Variants in DPYD observed in about 807,000 individuals in gnomAD.
DPYD encodes the protein dihydropyrimidine dehydrogenase [NADP(+)].
In DPYD, 109 loss-of-function variants were observed where a neutral mutation model predicts 116.2. The observed-to-expected ratio is 0.94, with a 90% CI of 0.80 to 1.10. The LOEUF (loss-of-function observed/expected upper bound fraction) is 1.10. DPYD is among the 50% of genes least tolerant of loss of function. DPYD has a pLI of 0.00. For missense variants in DPYD, 1,302 were observed against 1,254.5 expected (o/e 1.04, Z -0.57); for synonymous variants, 440 against 432.0 (o/e 1.02, Z -0.23).
intron 19 of DPYD, among the ~76,000 whole-genome samples, chr1:97,234,067 C>T (rs1661749585): frequency 3.3e-5 from 5 of 152,080 alleles, no homozygotes; most frequent in African/African-American, 1.2e-4. Context: ...ACCATCAATG[C>T]TAAGTAGTGA....
At chr1:97,397,228 T>C (rs911088711) in intron 14 of DPYD, among the ~76,000 whole-genome samples, 3 of 152,026 alleles carry the variant, frequency 2.0e-5, no homozygotes, top group East Asian at 3.9e-4. Flanking sequence ...TATATACGCA[T>C]GTATAAAAGA....
intron 2 of DPYD, among the ~76,000 whole-genome samples, chr1:97,870,217 A>T (rs1022359187): frequency 6.6e-6 from 1 of 151,888 alleles, no homozygotes; most frequent in Non-Finnish European, 1.5e-5. Flanking sequence ...GAAAAGAGAA[A>T]ATAAAATATT....
intron 18 of DPYD, among the ~76,000 whole-genome samples, chr1:97,304,809 C>T (rs975144858): frequency 1.3e-5 from 2 of 151,910 alleles, no homozygotes; most frequent in African/African-American, 2.4e-5. Context: ...TCAGCTGATG[C>T]TTAATTCAGT....
At position 97,192,201 on chromosome 1, in the gene DPYD, A is replaced by C. The variant is rs185913809; in HGVS notation, c.2622+868T>G. The stretch of plus-strand genomic sequence containing the variant: ...AAGTCAATTATATGATGTTTCTCTT[A>C]TTCTTTCTGAGTCCCTAACCCAGTC... On this transcript the variant is annotated intron_variant, in intron 20 of 22. Transcript: ENST00000370192. Among the ~76,000 whole-genome samples, 39 of 152,190 alleles carry C rather than the reference A, an allele frequency of 2.6e-4. No homozygotes were observed. The East Asian group carries it at 7.5e-3, about 29-fold the overall frequency.
At chr1:97,645,624 A>G (rs973571720) in intron 8 of DPYD, among the ~76,000 whole-genome samples, 3 of 151,988 alleles carry the variant, frequency 2.0e-5, no homozygotes, top group Non-Finnish European at 2.9e-5. Flanking sequence ...ATGCTATATT[A>G]TTTTAATTCA....
chr1:97,787,069 C>G (rs1044555485), intron 3 of DPYD, among the ~76,000 whole-genome samples: 4 of 152,090 alleles, frequency 2.6e-5, no homozygotes, highest in Non-Finnish European at 4.4e-5. Context: ...CTCCTATTTT[C>G]CATACAATAG....
intron 3 of DPYD, among the ~76,000 whole-genome samples, chr1:97,778,847 C>T (rs1222977460): frequency 6.6e-6 from 1 of 152,186 alleles, no homozygotes; most frequent in South Asian, 2.1e-4. Flanking sequence ...AAAAAATCTA[C>T]AGGGAATTTT....
intron 18 of DPYD, among the ~76,000 whole-genome samples, chr1:97,261,339 T>A (rs1663859934): frequency 6.6e-6 from 1 of 152,020 alleles, no homozygotes; most frequent in African/African-American, 2.4e-5. Flanking sequence ...ACAGCTACTT[T>A]ATTGTAAATA....
At chr1:97,484,788 T>G (rs954866882) in intron 13 of DPYD, among the ~76,000 whole-genome samples, 15 of 152,226 alleles carry the variant, frequency 9.9e-5, no homozygotes, top group African/African-American at 3.6e-4. Context: ...CTTCCAATAT[T>G]TCTTCTTTGA....
intron 2 of DPYD, among the ~76,000 whole-genome samples, chr1:97,880,475 C>T (rs1672151912): frequency 1.3e-5 from 2 of 151,806 alleles, no homozygotes; most frequent in South Asian, 2.1e-4. Flanking sequence ...TATTCAACCA[C>T]ACCGAGAATA....
intron 18 of DPYD, among the ~76,000 whole-genome samples, chr1:97,290,774 G>T (rs1666088056): frequency 6.6e-6 from 1 of 152,048 alleles, no homozygotes; most frequent in African/African-American, 2.4e-5. Flanking sequence ...ACATAGGCAT[G>T]GGCAAGGACT....
At chr1:97,868,362 C>T (rs556805436) in intron 2 of DPYD, among the ~76,000 whole-genome samples, 1 of 151,724 alleles carries the variant, frequency 6.6e-6, no homozygotes, top group East Asian at 1.9e-4. Context: ...ATAACAAGAA[C>T]TATCACAAAA....
At chr1:97,692,878 T>C (rs1661088705) in intron 6 of DPYD, among the ~76,000 whole-genome samples, 1 of 152,168 alleles carries the variant, frequency 6.6e-6, no homozygotes, top group Non-Finnish European at 1.5e-5. Flanking sequence ...AGATGAATCT[T>C]CTGGATCATC....
intron 5 of DPYD, among the ~76,000 whole-genome samples, chr1:97,712,632 C>G (rs1431651167): frequency 1.3e-5 from 2 of 151,980 alleles, no homozygotes; most frequent in Non-Finnish European, 2.9e-5. Flanking sequence ...TCGGGGCACT[C>G]CCCCTATGGC....
At chr1:97,343,257 T>C (rs1271136019) in intron 16 of DPYD, among the ~76,000 whole-genome samples, 2 of 152,120 alleles carry the variant, frequency 1.3e-5, no homozygotes, top group African/African-American at 2.4e-5. Context: ...TCCACCATTA[T>C]TCTCTTCAAT....
rs765309287 is a variant in DPYD, at chr1:97,699,438, G to A, written c.593C>T (p.Ala198Val). 1.9e-6 allele frequency: 3 copies of A among 1,613,682 alleles called. No homozygotes were observed. Among genetic ancestry groups the A allele is most frequent in the Admixed American group, 1.7e-5 (1 of 59,976 alleles). ...CAAAAAGGAAGCACAACTTATACTT[G>A]CAGGCCCAGCACCAAAAAGAGCAAT... is the stretch of plus-strand genomic sequence containing the variant. ...AKIALFGAGPASISCASFLAR... is the reference protein window; with the variant it reads ...AKIALFGAGPVSISCASFLAR... The change falls in exon 6 of 23, where the codon GCA becomes GTA. Residue 198 changes from alanine (A) to valine (V), a missense_variant. Coordinates refer to ENST00000370192, the MANE Select transcript of DPYD (RefSeq NM_000110.4).
At chr1:97,315,334 G>C (rs1233632975) in intron 16 of DPYD, among the ~76,000 whole-genome samples, 1 of 151,852 alleles carries the variant, frequency 6.6e-6, no homozygotes, top group Non-Finnish European at 1.5e-5. Context: ...GTAGTACAAG[G>C]GTCTAGCTAT....
chr1:97,818,467 G>A (rs1668748434), intron 3 of DPYD, among the ~76,000 whole-genome samples: 1 of 151,956 alleles, frequency 6.6e-6, no homozygotes, highest in African/African-American at 2.4e-5. Context: ...AGTTTAAAGT[G>A]AAGGAAAAGA....
At chr1:97,151,049 A>G (rs1654974736) in intron 20 of DPYD, among the ~76,000 whole-genome samples, 1 of 152,204 alleles carries the variant, frequency 6.6e-6, no homozygotes, top group Non-Finnish European at 1.5e-5. Flanking sequence ...AAGATAAGCA[A>G]AGCTAAGTCA....
Sources: gnomAD v4.1 joint callset for allele counts (sites outside exome capture counted in the v4.1 genomes callset) on GRCh38, gnomAD v4.1.1 for gene constraint, MANE v1.5 for transcripts, NCBI Gene and HGNC (gene_info 2026-07-23, HGNC 2026-07-21) for gene names.